The following CTDSPL2 variants were observed in gnomAD, a reference collection of about 807,000 sequenced individuals.
CTDSPL2 encodes the protein CTD small phosphatase-like protein 2.
CTDSPL2 carries 5 observed loss-of-function variants against 60.0 expected under a neutral mutation model. The observed-to-expected ratio is 0.08, with a 90% CI of 0.04 to 0.18. The LOEUF (loss-of-function observed/expected upper bound fraction) is 0.18. CTDSPL2 is among the 10% of genes least tolerant of loss of function. The pLI is 1.00. For synonymous variants in CTDSPL2, 186 were observed against 189.3 expected (o/e 0.98, Z 0.14); for missense variants, 370 against 548.8 (o/e 0.67, Z 3.26).
intron 3 of CTDSPL2, 56 bp from the exon 4 acceptor site, chr15:44,486,491 AACAC>A: frequency 8.2e-7 from 1 of 1,213,362 alleles, no homozygotes; most frequent in Non-Finnish European, 1.1e-6. Context: ...AATGATTTAT[AACAC>A]ACTTCTGAAA....
intron 8 of CTDSPL2, among the ~76,000 whole-genome samples, chr15:44,504,849 A>G (rs1432744458): frequency 2.0e-5 from 3 of 152,256 alleles, no homozygotes; most frequent in Admixed American, 2.0e-4. Context: ...AGTATAGAGG[A>G]TAAAACTAAT....
chr15:44,504,969 G>T (rs1388263038), intron 8 of CTDSPL2, among the ~76,000 whole-genome samples: 1 of 152,020 alleles, frequency 6.6e-6, no homozygotes, highest in Admixed American at 6.6e-5. Context: ...AGTATGTTTA[G>T]TTATTGGTAC....
rs113317775 is a variant in CTDSPL2 at position 44,491,147 on chromosome 15, G to C, written c.691+148G>C. On this transcript the variant is annotated intron_variant, in intron 5 of 12. Transcript: ENST00000260327. ...AAGTTAAAATTGGAAACAAAGCTTT[G>C]TCCCAAAAATCCAAAGTCATTTTGA... 0.013 allele frequency: 8,416 copies of C among 654,528 alleles called. 585 individuals are homozygous for C. In the African/African-American group the frequency reaches 0.14, roughly 11 times the overall value. 40.5% of individuals were successfully genotyped at this position (654,528 alleles called of 1,614,324 possible).
At chr15:44,515,981 T>C (rs1161909548) in intron 10 of CTDSPL2, among the ~76,000 whole-genome samples, 1 of 149,194 alleles carries the variant, frequency 6.7e-6, no homozygotes, top group African/African-American at 2.5e-5. Context: ...TCTTTCTTTC[T>C]TTTTCTTTTT....
In CTDSPL2 at chr15:44,526,974, CATT is replaced by C. The variant is rs1422918489; in HGVS notation, c.*2801_*2803del. ...AAGACATTCTTTTAAATATTTGTAT[CATT>C]GTTAGGATGTTTTAATCAGTTGTTT... On this transcript the variant is annotated 3_prime_UTR_variant, in exon 13 of 13. Transcript: ENST00000260327. 2 of 152,368 alleles carry C rather than the reference CATT, an allele frequency of 1.3e-5. No homozygotes were observed. Among genetic ancestry groups the C allele is most frequent in the African/African-American group, 2.4e-5 (1 of 41,540 alleles). 9.4% of individuals were successfully genotyped at this position (152,368 alleles called of 1,614,324 possible). A position where few individuals can be genotyped will look rare whatever the true frequency, so the allele number is the denominator to read the frequency against.
intron 2 of CTDSPL2, among the ~76,000 whole-genome samples, chr15:44,477,218 G>C (rs930546122): frequency 6.6e-6 from 1 of 152,124 alleles, no homozygotes; most frequent in Non-Finnish European, 1.5e-5. Flanking sequence ...GACAGAGCAA[G>C]ACCCTGTCTT....
chr15:44,497,176 G>C lies in CTDSPL2; in HGVS notation c.882+38G>C, dbSNP rs545020328. The C allele has an allele frequency of 6.2e-5, 70 of 1,136,000 alleles. No homozygotes were observed. The East Asian group carries it at 1.4e-3, about 23-fold the overall frequency. The allele number at this position is 1,136,000 out of a possible 1,614,324, so 70.4% of individuals were successfully genotyped here. A position where few individuals can be genotyped will look rare whatever the true frequency, so the allele number is the denominator to read the frequency against. ...TCTGTAGAGGTAGAGAGAATAAAGG[G>C]GTGAAATTCTTTTTTAGAATCATGC... On this transcript the variant is annotated intron_variant, in intron 7 of 12. Transcript: ENST00000260327.
chr15:44,435,668 G>A (rs1400377847), intron 1 of CTDSPL2, among the ~76,000 whole-genome samples: 2 of 147,022 alleles, frequency 1.4e-5, no homozygotes, highest in African/African-American at 5.0e-5. Flanking sequence ...GCGCAGTGGC[G>A]CAATCTGAGC....
intron 1 of CTDSPL2, among the ~76,000 whole-genome samples, chr15:44,432,239 G>A (rs918078778): frequency 6.6e-6 from 1 of 151,864 alleles, no homozygotes; most frequent in East Asian, 1.9e-4. Context: ...TTTAATGAAG[G>A]TCACAATAGG....
intron 2 of CTDSPL2, among the ~76,000 whole-genome samples, chr15:44,482,054 G>A (rs1364409143): frequency 6.6e-6 from 1 of 152,100 alleles, no homozygotes; most frequent in Non-Finnish European, 1.5e-5. Context: ...CTACTTCATT[G>A]TTTTTAGTAC....
intron 1 of CTDSPL2, among the ~76,000 whole-genome samples, chr15:44,434,189 C>T (rs1283983213): frequency 6.6e-6 from 1 of 151,712 alleles, no homozygotes; most frequent in African/African-American, 2.4e-5. Flanking sequence ...ATCATGAGGT[C>T]CAGAGATCGA....
chr15:44,524,033 A>C, intron 12 of CTDSPL2, 76 bp from the exon 13 acceptor site: 3 of 1,130,392 alleles, frequency 2.7e-6, no homozygotes, highest in South Asian at 2.5e-5. Flanking sequence ...TTTCTCTGCA[A>C]GGTAAGAATG....
At chr15:44,455,035 G>A (rs1389059091) in intron 1 of CTDSPL2, among the ~76,000 whole-genome samples, 6 of 152,124 alleles carry the variant, frequency 3.9e-5, no homozygotes, top group African/African-American at 7.2e-5. Flanking sequence ...CCATTTTCAC[G>A]ATATTGATTC....
chr15:44,445,346 C>G (rs1466307739), intron 1 of CTDSPL2, among the ~76,000 whole-genome samples: 1 of 151,904 alleles, frequency 6.6e-6, no homozygotes, highest in Non-Finnish European at 1.5e-5. Context: ...CACCATCACA[C>G]CTAGCAAATT....
chr15:44,436,400 A>G (rs1449503847), intron 1 of CTDSPL2, among the ~76,000 whole-genome samples: 3 of 152,188 alleles, frequency 2.0e-5, no homozygotes, highest in African/African-American at 7.2e-5. Context: ...GATGAGTTGT[A>G]TATGATGGAA....
intron 1 of CTDSPL2, among the ~76,000 whole-genome samples, chr15:44,435,127 G>T (rs2079947426): frequency 6.6e-6 from 1 of 151,920 alleles, no homozygotes; most frequent in African/African-American, 2.4e-5. Flanking sequence ...GGGCGCGGTG[G>T]TGTGCACCTG....
chr15:44,462,905 A>G (rs1468737365), intron 2 of CTDSPL2, among the ~76,000 whole-genome samples: 3 of 151,562 alleles, frequency 2.0e-5, no homozygotes, highest in African/African-American at 7.3e-5. Context: ...GGGTTTCACC[A>G]TGTTGCCCAG....
At chr15:44,484,112 G>C (rs1227677599) in intron 2 of CTDSPL2, 112 bp from the exon 3 acceptor site, 6 of 953,710 alleles carry the variant, frequency 6.3e-6, no homozygotes, top group African/African-American at 1.7e-5. Flanking sequence ...GTTTTTCCTG[G>C]ATATGAAAAG....
chr15:44,497,113 C>T lies in CTDSPL2; in HGVS notation c.857C>T (p.Pro286Leu). 6.2e-7 allele frequency: 1 copy of T among 1,603,810 alleles called. No individual in the cohort carries two copies. Among genetic ancestry groups the T allele is most frequent in the East Asian group, 2.2e-5 (1 of 44,702 alleles). Residue 286 changes from proline (P) to leucine (L), a missense_variant, in exon 7 of 13, where the codon CCG becomes CTG. This residue lies in a region of CTDSPL2 where 16 missense variants were observed against 44.3 expected (regional missense o/e 0.36). Transcript: ENST00000260327. The stretch of plus-strand genomic sequence containing the variant: ...CTTCCGTTGAAAACAAGAAGCACAC[C>T]GGAATTCTCCCTAGTTTTAGACTTG... ...PALPLKTRST[P>L]EFSLVLDLDE...
Sources: gnomAD v4.1 joint callset for allele counts (sites outside exome capture counted in the v4.1 genomes callset) on GRCh38, gnomAD v4.1.1 for gene constraint, gnomAD v4.1.1 regional missense constraint, MANE v1.5 for transcripts, NCBI Gene and HGNC (gene_info 2026-07-23, HGNC 2026-07-21) for gene names.